EIF4B: variants seen among roughly 807,000 people sequenced by gnomAD.
EIF4B encodes eukaryotic translation initiation factor 4B.
In EIF4B, 8 loss-of-function variants were observed where a neutral mutation model predicts 79.3. The observed-to-expected ratio is 0.10, with a 90% CI of 0.06 to 0.18. EIF4B has a LOEUF of 0.18. Among genes scored for constraint, EIF4B ranks in the 10% least tolerant of loss-of-function variants. EIF4B has a pLI of 1.00. For missense variants in EIF4B, 515 were observed against 792.4 expected (o/e 0.65, Z 4.20); for synonymous variants, 238 against 274.7 (o/e 0.87, Z 1.32).
intron 2 of EIF4B, 124 bp downstream of exon 2, chr12:53,016,734 T>C (rs1274189925): frequency 7.5e-7 from 1 of 1,341,218 alleles, no homozygotes; most frequent in Admixed American, 3.1e-5. Context: ...CCTGAAATCT[T>C]ACATATTTTA....
chr12:53,012,597 C>CTT (rs544968494), intron 1 of EIF4B, among the ~76,000 whole-genome samples: 3 of 141,660 alleles, frequency 2.1e-5, no homozygotes, highest in Non-Finnish European at 3.1e-5. Flanking sequence ...TTTTTTTTTC[C>CTT]TTTTTTTTTT....
At position 53,033,904 on chromosome 12, in the gene EIF4B, A is replaced by G. The variant is rs750226321; in HGVS notation, c.1078A>G (p.Ile360Val). Residue 360 changes from isoleucine (I) to valine (V), a missense_variant, in exon 9 of 15, where the codon ATC becomes GTC. Ile to Val is a conservative substitution (Grantham distance 29). Coordinates refer to ENST00000262056, the MANE Select transcript of EIF4B (RefSeq NM_001417.7). ...STSQSTRAAS[I>V]FGGAKPVDTA... ...CTCCCAGTCCACTCGAGCTGCTTCT[A>G]TCTTTGGAGGGGCAAAGCCTGTTGA... The G allele has an allele frequency of 9.3e-6, 15 of 1,614,044 alleles. No homozygotes were observed. The highest frequency in any genetic ancestry group is 1.3e-5 in the African/African-American group (1 of 74,944).
At chr12:53,017,519 C>T (rs531671787) in intron 2 of EIF4B, among the ~76,000 whole-genome samples, 1 of 152,204 alleles carries the variant, frequency 6.6e-6, no homozygotes, top group South Asian at 2.1e-4. Context: ...ATCTCATTAC[C>T]ATTGTTTTTT....
intron 6 of EIF4B, among the ~76,000 whole-genome samples, chr12:53,023,793 G>C (rs1168193711): frequency 6.7e-6 from 1 of 149,990 alleles, no homozygotes; most frequent in African/African-American, 2.5e-5. Flanking sequence ...ATGTTGGTCA[G>C]GCTGGTCTCG....
chr12:53,008,304 T>A (rs1943002894), intron 1 of EIF4B, among the ~76,000 whole-genome samples: 1 of 152,242 alleles, frequency 6.6e-6, no homozygotes, highest in Non-Finnish European at 1.5e-5. Flanking sequence ...ATTCTCTTGT[T>A]CTTCCATATT....
chr12:53,016,015 C>T (rs898413539), intron 1 of EIF4B, among the ~76,000 whole-genome samples: 4 of 151,034 alleles, frequency 2.6e-5, no homozygotes, highest in African/African-American at 9.7e-5. Context: ...GATTCCTTCC[C>T]TATATGGTTT....
chr12:53,010,282 T>TA (rs1271731753), intron 1 of EIF4B, among the ~76,000 whole-genome samples: 1 of 152,210 alleles, frequency 6.6e-6, no homozygotes, highest in East Asian at 1.9e-4. Flanking sequence ...TGGTGGAGCT[T>TA]ATGAGTTTTG....
chr12:53,014,070 G>A (rs1173246846), intron 1 of EIF4B: 1 of 152,024 alleles, frequency 6.6e-6, no homozygotes, highest in Non-Finnish European at 1.5e-5. Flanking sequence ...GCTACAGTGG[G>A]AGAATTGCTT....
chr12:53,031,418 AG>A (rs1343839013), intron 8 of EIF4B, among the ~76,000 whole-genome samples: 1 of 152,154 alleles, frequency 6.6e-6, no homozygotes, highest in Non-Finnish European at 1.5e-5. Context: ...CTGGGACTAG[AG>A]GTGCGTGCCA....
chr12:53,020,946 A>G (rs184127730), intron 4 of EIF4B, among the ~76,000 whole-genome samples: 1 of 152,306 alleles, frequency 6.6e-6, no homozygotes, highest in East Asian at 1.9e-4. Flanking sequence ...TAACTATTTG[A>G]TGTTTACTAG....
chr12:53,038,071 G>A (rs1322471789), intron 11 of EIF4B: 5 of 265,542 alleles, frequency 1.9e-5, no homozygotes, highest in East Asian at 8.8e-5. Flanking sequence ...GCAGTGAGCC[G>A]AGATGTGCCA....
intron 8 of EIF4B, among the ~76,000 whole-genome samples, chr12:53,029,601 C>T (rs1943400128): frequency 6.6e-6 from 1 of 152,168 alleles, no homozygotes; most frequent in Non-Finnish European, 1.5e-5. Flanking sequence ...GTCTCAATCT[C>T]TTGACCTCGT....
chr12:53,027,900 C>G lies in EIF4B; in HGVS notation c.786C>G (p.Gly262=). The G allele has an allele frequency of 6.2e-7, 1 of 1,614,184 alleles. No homozygotes were observed. The highest frequency in any genetic ancestry group is 8.5e-7 in the Non-Finnish European group (1 of 1,180,032). Residue 262 remains glycine (G), a synonymous_variant, in exon 7 of 15, where the codon GGC becomes GGG. Transcript: ENST00000262056. ...YGGRDRYDDR[G]SRDYDRGYDS... Reference sequence around the variant, plus strand: ...GCCGGGATCGCTATGATGACCGAGGCAGCAGAGACTATGATAGAGGTAATT... The same window carrying G: ...GCCGGGATCGCTATGATGACCGAGGGAGCAGAGACTATGATAGAGGTAATT...
chr12:53,033,301 GA>G (rs1338362739), intron 8 of EIF4B, among the ~76,000 whole-genome samples: 2 of 150,622 alleles, frequency 1.3e-5, no homozygotes, highest in African/African-American at 4.9e-5. Context: ...TTACAGACGT[GA>G]GCCACCACGC....
intron 1 of EIF4B, among the ~76,000 whole-genome samples, chr12:53,012,611 C>CT (rs1198249805): frequency 7.2e-5 from 6 of 83,742 alleles, no homozygotes; most frequent in South Asian, 8.5e-4. Context: ...TTTTTTTTTT[C>CT]TTTTTTTTGT....
chr12:53,023,985 T>A (rs2120933546), intron 6 of EIF4B, among the ~76,000 whole-genome samples: 1 of 152,286 alleles, frequency 6.6e-6, no homozygotes, highest in African/African-American at 2.4e-5. Context: ...CTAATAAAAA[T>A]TGATTCACTT....
chr12:53,034,131 A>C (rs1037586128), intron 9 of EIF4B, 97 bp downstream of exon 9: 28 of 1,263,146 alleles, frequency 2.2e-5, no homozygotes, highest in Non-Finnish European at 3.1e-5. Context: ...TGTCGTTATC[A>C]CATTAGTGGT....
At chr12:53,007,434 T>A (rs1483063406) in intron 1 of EIF4B, among the ~76,000 whole-genome samples, 5 of 147,132 alleles carry the variant, frequency 3.4e-5, no homozygotes, top group Non-Finnish European at 6.0e-5. Flanking sequence ...TTTTTTTTTT[T>A]TTTTTTTTTT....
rs750210908 is a variant in EIF4B, at chr12:53,040,173, C to G, written c.1786C>G (p.Leu596Val). 3 of 1,614,198 alleles carry G rather than the reference C, an allele frequency of 1.9e-6. No individual in the cohort carries two copies. Among genetic ancestry groups the G allele is most frequent in the Non-Finnish European group, 8.5e-7 (1 of 1,180,030 alleles). Residue 596 changes from leucine (L) to valine (V), a missense_variant, in exon 15 of 15, where the codon CTC becomes GTC. Leu to Val is a conservative substitution (Grantham distance 32). Around this residue, in one of 6 missense-constraint regions of EIF4B, gnomAD observed 60 missense variants for 56.7 expected, o/e 1.06. Coordinates refer to ENST00000262056, the MANE Select transcript of EIF4B (RefSeq NM_001417.7). ...KFSSASKYAA[L>V]SVDGEDENEG... is the part of the protein sequence containing the mutation. ...CAGTTCTGCAAGCAAGTATGCTGCT[C>G]TCTCTGTTGATGGTGAAGATGAAAA...
Sources: gnomAD v4.1 joint callset for allele counts (sites outside exome capture counted in the v4.1 genomes callset) on GRCh38, gnomAD v4.1.1 for gene constraint, gnomAD v4.1.1 regional missense constraint, MANE v1.5 for transcripts, NCBI Gene and HGNC (gene_info 2026-07-23, HGNC 2026-07-21) for gene names.